ZSWIM5: variants seen among roughly 807,000 people sequenced by gnomAD.
ZSWIM5 encodes the protein zinc finger SWIM-type containing 5.
In ZSWIM5, 55 loss-of-function variants were observed where a neutral mutation model predicts 119.6. The observed-to-expected ratio is 0.46, with a 90% CI of 0.37 to 0.58. The LOEUF is 0.58. Among genes scored for constraint, ZSWIM5 ranks in the 20% least tolerant of loss-of-function variants. The pLI is 0.00. For missense variants in ZSWIM5, 1,193 were observed against 1,512.8 expected (o/e 0.79, Z 3.51); for synonymous variants, 537 against 606.9 (o/e 0.88, Z 1.69).
intron 1 of ZSWIM5, among the ~76,000 whole-genome samples, chr1:45,164,239 G>T (rs1645885260): frequency 6.6e-6 from 1 of 152,152 alleles, no homozygotes; most frequent in South Asian, 2.1e-4. Flanking sequence ...AGGTGAAGGA[G>T]AAATAAAATC....
At position 45,017,063 on chromosome 1, in the gene ZSWIM5, CAA is replaced by C. The variant is rs1233043409; in HGVS notation, c.*1389_*1390del. On this transcript the variant is annotated 3_prime_UTR_variant, in exon 14 of 14. Transcript: ENST00000359600. ...AAGAGAACTATGGAGCTAAAGCAGC[CAA>C]TCTGATGGCAGAGGGAGATTGGTGC... 6.6e-5 allele frequency: 10 copies of C among 152,220 alleles called. No individual in the cohort carries two copies. The highest frequency in any genetic ancestry group is 6.5e-5 in the Admixed American group (1 of 15,278). The allele number at this position is 152,220 out of a possible 1,614,324, so 9.4% of individuals were successfully genotyped here.
chr1:45,093,219 A>T (rs346685), intron 1 of ZSWIM5, among the ~76,000 whole-genome samples: 9,525 of 152,248 alleles, frequency 0.063, 346 homozygotes, highest in East Asian at 0.11. Flanking sequence ...GGAATTATAA[A>T]CTATAAAACA....
chr1:45,196,322 T>TG (rs1029915489), intron 1 of ZSWIM5, among the ~76,000 whole-genome samples: 4 of 151,326 alleles, frequency 2.6e-5, no homozygotes, highest in African/African-American at 9.8e-5. Context: ...ACTGTTTTTT[T>TG]GGTTTTTTTT....
At chr1:45,193,160 A>T (rs912134810) in intron 1 of ZSWIM5, among the ~76,000 whole-genome samples, 1 of 152,132 alleles carries the variant, frequency 6.6e-6, no homozygotes, top group Non-Finnish European at 1.5e-5. Flanking sequence ...TCAGAGTTTC[A>T]AAGGGAAGAA....
At chr1:45,171,912 CAT>C (rs1645948112) in intron 1 of ZSWIM5, among the ~76,000 whole-genome samples, 1 of 152,008 alleles carries the variant, frequency 6.6e-6, no homozygotes, top group African/African-American at 2.4e-5. Flanking sequence ...GTTTCTATAA[CAT>C]AAAAAGTGTA....
rs1557742538 is a variant in ZSWIM5, at chr1:45,035,716, A to G, written c.2263T>C (p.Ser755Pro). 1.2e-6 allele frequency: 2 copies of G among 1,613,876 alleles called. No individual in the cohort carries two copies. ...ATGGCACGTAAGGCTAATTTATAGG[A>G]CAGGTCTGGATCATGAGGCAGCAGA... The part of the protein sequence containing the change: ...SALLPHDPDL[S>P]YKLALRAMRL... Residue 755 changes from serine (S) to proline (P), a missense_variant, in exon 10 of 14, where the codon TCC (serine) becomes CCC (proline). Coordinates refer to ENST00000359600, the MANE Select transcript of ZSWIM5 (RefSeq NM_020883.2).
intron 1 of ZSWIM5, among the ~76,000 whole-genome samples, chr1:45,180,978 T>C (rs1429020999): frequency 6.6e-6 from 1 of 151,544 alleles, no homozygotes; most frequent in Non-Finnish European, 1.5e-5. Flanking sequence ...ACCACAAAGA[T>C]GGGGGAAAAA....
At chr1:45,090,427 T>C (rs1557762458) in intron 1 of ZSWIM5, among the ~76,000 whole-genome samples, 1 of 152,124 alleles carries the variant, frequency 6.6e-6, no homozygotes, top group Non-Finnish European at 1.5e-5. Flanking sequence ...TAGGTAAAGA[T>C]TAATTACAGG....
At chr1:45,177,813 T>C (rs1272166619) in intron 1 of ZSWIM5, among the ~76,000 whole-genome samples, 1 of 152,062 alleles carries the variant, frequency 6.6e-6, no homozygotes, top group Non-Finnish European at 1.5e-5. Context: ...AATCCCTTAA[T>C]ACAATGCATT....
intron 11 of ZSWIM5, among the ~76,000 whole-genome samples, chr1:45,025,891 C>T (rs1329413096): frequency 6.6e-6 from 1 of 152,134 alleles, no homozygotes; most frequent in Admixed American, 6.5e-5. Context: ...ATCTGTGTAT[C>T]ATTTATTTCC....
intron 11 of ZSWIM5, among the ~76,000 whole-genome samples, chr1:45,028,840 TG>T (rs567773780): frequency 2.1e-3 from 326 of 152,294 alleles, no homozygotes; most frequent in African/African-American, 7.6e-3. Flanking sequence ...CCCAGCATTT[TG>T]GGAGCCCAAG....
intron 1 of ZSWIM5, among the ~76,000 whole-genome samples, chr1:45,106,838 G>T (rs550402909): frequency 1.5e-4 from 23 of 152,332 alleles, no homozygotes; most frequent in African/African-American, 5.5e-4. Context: ...GAAAGAAGTA[G>T]ACATAGGAGA....
chr1:45,116,339 C>G (rs747652164), intron 1 of ZSWIM5, among the ~76,000 whole-genome samples: 1 of 152,128 alleles, frequency 6.6e-6, no homozygotes, highest in Non-Finnish European at 1.5e-5. Flanking sequence ...GCTATCGATA[C>G]GGTTGTCAGT....
intron 2 of ZSWIM5, among the ~76,000 whole-genome samples, chr1:45,081,809 C>A (rs1475497403): frequency 6.6e-6 from 1 of 152,180 alleles, no homozygotes; most frequent in African/African-American, 2.4e-5. Context: ...GCCCGGCCAC[C>A]ACCCCGTCTG....
intron 1 of ZSWIM5, among the ~76,000 whole-genome samples, chr1:45,164,828 A>T (rs1186234716): frequency 1.3e-5 from 2 of 152,266 alleles, no homozygotes; most frequent in East Asian, 1.9e-4. Flanking sequence ...AAATCCTTAG[A>T]GACCTACGAA....
chr1:45,164,190 T>A (rs1369404599), intron 1 of ZSWIM5, among the ~76,000 whole-genome samples: 2 of 152,186 alleles, frequency 1.3e-5, no homozygotes, highest in Non-Finnish European at 2.9e-5. Flanking sequence ...AAAAGAATTT[T>A]CAACCCAGAA....
intron 1 of ZSWIM5, among the ~76,000 whole-genome samples, chr1:45,155,757 G>A (rs1163369452): frequency 6.6e-6 from 1 of 152,196 alleles, no homozygotes; most frequent in African/African-American, 2.4e-5. Context: ...TTGGACACTA[G>A]TATTCTAACC....
chr1:45,118,789 G>C (rs563122663), intron 1 of ZSWIM5, among the ~76,000 whole-genome samples: 1 of 151,292 alleles, frequency 6.6e-6, no homozygotes, highest in Non-Finnish European at 1.5e-5. Context: ...TATTTTATTG[G>C]ACGAATTAAT....
chr1:45,199,262 C>G (rs1347367184), intron 1 of ZSWIM5, among the ~76,000 whole-genome samples: 1 of 151,090 alleles, frequency 6.6e-6, no homozygotes, highest in Non-Finnish European at 1.5e-5. Flanking sequence ...AACCACTAGG[C>G]AGAAGGGTAC....
Sources: allele counts gnomAD v4.1 joint callset (sites outside exome capture counted in the v4.1 genomes callset), GRCh38; gene constraint gnomAD v4.1.1; transcripts MANE v1.5; gene names NCBI Gene and HGNC (gene_info 2026-07-23, HGNC 2026-07-21).